Variants in KAZN observed in about 807,000 individuals in gnomAD.
KAZN encodes the protein kazrin, periplakin interacting protein, also known as kazrin.
In KAZN, 40 loss-of-function variants were observed where a neutral mutation model predicts 87.4. The ratio of observed to expected loss-of-function variants is 0.46; its 90% CI spans 0.36 to 0.60. The LOEUF is 0.60. KAZN is among the 20% of genes least tolerant of loss of function. KAZN has a pLI of 0.00. For missense variants in KAZN, 898 were observed against 1,073.9 expected (o/e 0.84, Z 2.29); for synonymous variants, 466 against 458.3 (o/e 1.02, Z -0.22).
At chr1:14,022,045 G>A (rs114276649) in intron 1 of KAZN, among the ~76,000 whole-genome samples, 1,625 of 143,332 alleles carry the variant, frequency 0.011, 28 homozygotes, top group African/African-American at 0.038. Context: ...GATGTCAGCC[G>A]GATTACCCAT....
chr1:14,998,420 G>C (rs10927626), intron 2 of KAZN, among the ~76,000 whole-genome samples: 36,055 of 151,980 alleles, frequency 0.24, 5,380 homozygotes, highest in African/African-American at 0.42. Context: ...GGGGACTTTG[G>C]GGGTTAGACC....
At chr1:14,576,996 A>G (rs1337571173) in intron 2 of KAZN, among the ~76,000 whole-genome samples, 1 of 152,204 alleles carries the variant, frequency 6.6e-6, no homozygotes, top group African/African-American at 2.4e-5. Flanking sequence ...GAACTGGTAA[A>G]TAGGGCTTCC....
intron 2 of KAZN, among the ~76,000 whole-genome samples, chr1:15,032,977 G>A (rs781169848): frequency 2.0e-5 from 3 of 151,840 alleles, no homozygotes; most frequent in Admixed American, 1.3e-4. Flanking sequence ...AAAAAACTCC[G>A]GAAAAGAAAA....
chr1:14,559,640 C>T (rs1014688526), intron 2 of KAZN, among the ~76,000 whole-genome samples: 1 of 152,188 alleles, frequency 6.6e-6, no homozygotes, highest in East Asian at 1.9e-4. Flanking sequence ...CCAGAGCTTC[C>T]AATCCATTTC....
At chr1:15,088,382 G>A (rs1315383961) in intron 8 of KAZN, among the ~76,000 whole-genome samples, 2 of 152,060 alleles carry the variant, frequency 1.3e-5, no homozygotes, top group African/African-American at 4.8e-5. Context: ...TGGGTGGGGG[G>A]GTGTGCATGC....
At chr1:14,250,390 T>C (rs749937517) in intron 2 of KAZN, among the ~76,000 whole-genome samples, 1 of 151,926 alleles carries the variant, frequency 6.6e-6, no homozygotes, top group Non-Finnish European at 1.5e-5. Flanking sequence ...AAGACACATA[T>C]ATATGAGATC....
At chr1:15,000,391 G>A (rs1164966877) in intron 2 of KAZN, among the ~76,000 whole-genome samples, 1 of 151,896 alleles carries the variant, frequency 6.6e-6, no homozygotes, top group East Asian at 1.9e-4. Flanking sequence ...CATCAGTGTT[G>A]TTTTAAGCCA....
intron 1 of KAZN, among the ~76,000 whole-genome samples, chr1:14,681,086 G>C (rs1336330387): frequency 6.6e-6 from 1 of 152,106 alleles, no homozygotes; most frequent in Non-Finnish European, 1.5e-5. Flanking sequence ...AACTCAGAAG[G>C]GGAGCTCCCT....
intron 2 of KAZN, among the ~76,000 whole-genome samples, chr1:14,329,534 G>T (rs1656694397): frequency 6.6e-6 from 1 of 152,206 alleles, no homozygotes; most frequent in South Asian, 2.1e-4. Flanking sequence ...TAAAATGTGG[G>T]TGTGCAATTG....
At position 14,944,875 on chromosome 1, in the gene KAZN, T is replaced by A. The variant is rs140848571; in HGVS notation, c.227-15809T>A. On this transcript the variant is annotated intron_variant, in intron 1 of 14. Transcript: ENST00000376030. ...TGCGGATGGCGGCACCATCCTGTTC[T>A]GGGCAGGGCAGGAGGCCTCTTGCCC... Among the ~76,000 whole-genome samples the A allele has an allele frequency of 1.1e-4, 16 of 152,348 alleles. No homozygotes were observed. The East Asian group carries it at 2.9e-3, about 28-fold the overall frequency.
chr1:14,858,214 C>CTTTTTTTTTTTTTT (rs71000342), intron 1 of KAZN, among the ~76,000 whole-genome samples: 4 of 117,030 alleles, frequency 3.4e-5, no homozygotes, highest in Non-Finnish European at 6.8e-5. Flanking sequence ...TTTTTCTTTT[C>CTTTTTTTTTTTTTT]TTTTTTTTTT....
intron 2 of KAZN, among the ~76,000 whole-genome samples, chr1:14,391,247 T>G (rs1219890868): frequency 6.6e-6 from 1 of 152,212 alleles, no homozygotes; most frequent in Non-Finnish European, 1.5e-5. Context: ...TCTTGGGCAC[T>G]TTTGAGGGAT....
chr1:15,000,874 C>T (rs1038499793), intron 2 of KAZN, among the ~76,000 whole-genome samples: 1 of 151,816 alleles, frequency 6.6e-6, no homozygotes, highest in Non-Finnish European at 1.5e-5. Context: ...GAGGCCAAGG[C>T]GGGAGAATCA....
Position 13,956,531 on chromosome 1 carries a change from T to C in KAZN, c.91+62775T>C, listed in dbSNP as rs541906370. On this transcript the variant is annotated intron_variant, in intron 1 of 16. Transcript: ENST00000636203. ...TAGGAGAAATATTTCTTAGGAAGTATTCTGACATGCATACGATTATTCTTT... is the reference window on the plus strand; with the variant it reads ...TAGGAGAAATATTTCTTAGGAAGTACTCTGACATGCATACGATTATTCTTT... 5.9e-5 allele frequency among the ~76,000 whole-genome samples: 9 copies of C among 152,282 alleles called. No individual in the cohort carries two copies. The East Asian group carries it at 1.7e-3, about 29-fold the overall frequency.
chr1:14,556,571 T>G lies in KAZN; in HGVS notation c.250-42412T>G, dbSNP rs566379739. 3.0e-4 allele frequency among the ~76,000 whole-genome samples: 45 copies of G among 152,226 alleles called. No individual in the cohort carries two copies. The South Asian group carries it at 9.1e-3, about 31-fold the overall frequency. On this transcript the variant is annotated intron_variant, in intron 2 of 16. Coordinates refer to the KAZN transcript ENST00000636203. ...AGCTGCCTCTTTCCATACTTCCCAT[T>G]AAAAGAAGACAACATTTTTTTCTCC...
At chr1:14,612,320 G>A (rs1164764297) in intron 1 of KAZN, among the ~76,000 whole-genome samples, 1 of 152,168 alleles carries the variant, frequency 6.6e-6, no homozygotes, top group Non-Finnish European at 1.5e-5. Context: ...TCTAACCCCT[G>A]AGCTGTAGAG....
chr1:14,719,882 G>T (rs115678679), intron 1 of KAZN, among the ~76,000 whole-genome samples: 2,936 of 152,276 alleles, frequency 0.019, 54 homozygotes, highest in Non-Finnish European at 0.03. Flanking sequence ...TGCAGGTGCT[G>T]GGAAGGGCAT....
chr1:14,689,802 C>A (rs994525522), intron 1 of KAZN, among the ~76,000 whole-genome samples: 4 of 152,196 alleles, frequency 2.6e-5, no homozygotes, highest in Admixed American at 6.5e-5. Context: ...GGGCAGAGGG[C>A]GTGGTGAGAC....
At position 14,348,988 on chromosome 1, in the gene KAZN, T is replaced by C. The variant is rs542208033; in HGVS notation, c.249+168396T>C. ...GGCTTTTATTCTGTTCAACAGATAT[T>C]TACTGAGTGTGTTTTGTGTGTTGAG... On this transcript the variant is annotated intron_variant, in intron 2 of 16. Coordinates refer to the KAZN transcript ENST00000636203. 2.6e-5 allele frequency: 4 copies of C among 152,360 alleles called. No individual in the cohort carries two copies. The East Asian group carries it at 7.7e-4, about 29-fold the overall frequency. The allele number at this position is 152,360 out of a possible 1,614,324, so 9.4% of individuals were successfully genotyped here.
Sources: gnomAD v4.1 joint callset for allele counts (sites outside exome capture counted in the v4.1 genomes callset) on GRCh38, gnomAD v4.1.1 for gene constraint, MANE v1.5 for transcripts, NCBI Gene and HGNC (gene_info 2026-07-23, HGNC 2026-07-21) for gene names.